The following ELP4 variants were observed in gnomAD, a reference collection of about 807,000 sequenced individuals.
ELP4 encodes the protein elongator complex protein 4.
ELP4 carries 51 observed loss-of-function variants against 48.9 expected under a neutral mutation model. That is an observed-to-expected ratio of 1.04 (90% confidence interval 0.83 to 1.32). ELP4 has a LOEUF of 1.32. ELP4 is among the 40% of genes most tolerant of loss of function. The probability of loss-of-function intolerance (pLI) is 0.00; values close to 1 mark genes in which losing one functional copy is unlikely to be tolerated. For missense variants in ELP4, 519 were observed against 514.6 expected, an observed-to-expected ratio of 1.01 and a Z score of -0.08; for synonymous variants, 210 against 189.2, an observed-to-expected ratio of 1.11 and a Z score of -0.90.
intron 7 of ELP4, among the ~76,000 whole-genome samples, chr11:31,641,229 G>A (rs1388806576): frequency 6.6e-6 from 1 of 151,826 alleles, no homozygotes; most frequent in South Asian, 2.1e-4. Flanking sequence ...GCTGTGACAT[G>A]CTGTTTCCTT....
chr11:31,607,492 C>T (rs917073146), intron 5 of ELP4, among the ~76,000 whole-genome samples: 1 of 152,158 alleles, frequency 6.6e-6, no homozygotes, highest in African/African-American at 2.4e-5. Context: ...GGCAAGCTAG[C>T]CAAAATGCTG....
At chr11:31,697,111 C>G (rs1233523732) in intron 9 of ELP4, among the ~76,000 whole-genome samples, 1 of 152,120 alleles carries the variant, frequency 6.6e-6, no homozygotes, top group African/African-American at 2.4e-5. Flanking sequence ...GAAGAGCTAA[C>G]TATCCTAAAT....
At chr11:31,617,187 A>G (rs1592162294) in intron 5 of ELP4, among the ~76,000 whole-genome samples, 2 of 152,284 alleles carry the variant, frequency 1.3e-5, no homozygotes, top group Non-Finnish European at 2.9e-5. Flanking sequence ...TGATGAACTG[A>G]TAAATAAAAT....
At chr11:31,546,063 G>A (rs2133917907) in intron 3 of ELP4, among the ~76,000 whole-genome samples, 1 of 152,070 alleles carries the variant, frequency 6.6e-6, no homozygotes, top group African/African-American at 2.4e-5. Context: ...AGACTAGGAA[G>A]AAACTGCATC....
chr11:31,626,646 T>A (rs1364315945), intron 5 of ELP4, among the ~76,000 whole-genome samples: 1 of 151,888 alleles, frequency 6.6e-6, no homozygotes, highest in African/African-American at 2.4e-5. Flanking sequence ...AAAATTATTA[T>A]TATTTTAGAA....
intron 3 of ELP4, among the ~76,000 whole-genome samples, chr11:31,591,329 C>G (rs186019073): frequency 2.9e-4 from 42 of 146,778 alleles, no homozygotes; most frequent in Admixed American, 1.3e-3. Context: ...TGGCATGAAC[C>G]CGAGAGGTGG....
At position 31,790,107 on chromosome 11, in the gene ELP4, A is replaced by AAC. The variant is rs1356926457; in HGVS notation, c.*6584_*6585insCA. ...AAATTTATAGGTTTACAAAAAAAAA[A>AAC]AAAAAAAAAAAAACTAATACTTTCT... On this transcript the variant is annotated 3_prime_UTR_variant, in exon 10 of 10. Coordinates refer to ENST00000640961, the MANE Select transcript of ELP4 (RefSeq NM_019040.5). The AAC allele has an allele frequency of 7.6e-6, 6 of 789,016 alleles. No individual in the cohort carries two copies. Among genetic ancestry groups the AAC allele is most frequent in the Admixed American group, 2.7e-5 (1 of 36,932 alleles). 48.9% of individuals were successfully genotyped at this position (789,016 alleles called of 1,614,324 possible).
intron 3 of ELP4, among the ~76,000 whole-genome samples, chr11:31,563,440 G>C (rs148555991): frequency 2.0e-5 from 3 of 152,048 alleles, no homozygotes; most frequent in African/African-American, 4.8e-5. Flanking sequence ...TAATATAGCA[G>C]TAAGAACAGA....
chr11:31,619,254 G>A (rs897888478), intron 5 of ELP4, among the ~76,000 whole-genome samples: 5 of 151,918 alleles, frequency 3.3e-5, no homozygotes, highest in Non-Finnish European at 5.9e-5. Flanking sequence ...TATGAGGCCC[G>A]TGCACAGGTG....
intron 9 of ELP4, among the ~76,000 whole-genome samples, chr11:31,662,117 G>A (rs1266177781): frequency 6.6e-6 from 1 of 152,120 alleles, no homozygotes; most frequent in Non-Finnish European, 1.5e-5. Context: ...ACAATTATAT[G>A]TAGGAGAAAA....
intron 3 of ELP4, among the ~76,000 whole-genome samples, chr11:31,566,014 G>C (rs1957105044): frequency 6.6e-6 from 1 of 152,086 alleles, no homozygotes; most frequent in Non-Finnish European, 1.5e-5. Flanking sequence ...AGCATGGAAT[G>C]TTCTTACATT....
intron 9 of ELP4, among the ~76,000 whole-genome samples, chr11:31,657,871 T>G (rs1452445428): frequency 6.6e-6 from 1 of 151,978 alleles, no homozygotes; most frequent in Non-Finnish European, 1.5e-5. Context: ...AAAAAATAAG[T>G]TTTATTACAT....
At chr11:31,583,110 A>C (rs1957416902) in intron 3 of ELP4, among the ~76,000 whole-genome samples, 1 of 152,130 alleles carries the variant, frequency 6.6e-6, no homozygotes, top group Non-Finnish European at 1.5e-5. Flanking sequence ...GGAAAAGTAA[A>C]GGATCTGTAG....
chr11:31,514,780 G>T (rs879343719), intron 1 of ELP4, among the ~76,000 whole-genome samples: 1 of 152,054 alleles, frequency 6.6e-6, no homozygotes, highest in Non-Finnish European at 1.5e-5. Context: ...AGGATACTCT[G>T]TTGTGATTGG....
chr11:31,524,811 CT>C (rs1277161507), intron 2 of ELP4, among the ~76,000 whole-genome samples: 1 of 152,090 alleles, frequency 6.6e-6, no homozygotes, highest in African/African-American at 2.4e-5. Context: ...TGGCAAAACC[CT>C]GTTTCTACAA....
In ELP4 at chr11:31,524,484, A is replaced by T. The variant is rs187190215; in HGVS notation, c.259+4393A>T. ...GTTATAGGTTTTCATAACAGAAATG[A>T]CATCCCATCATCTTTGCCATAATCT... is the stretch of plus-strand genomic sequence containing the variant. On this transcript the variant is annotated intron_variant, in intron 2 of 9. Coordinates refer to ENST00000640961, the MANE Select transcript of ELP4 (RefSeq NM_019040.5). 1.2e-3 allele frequency among the ~76,000 whole-genome samples: 183 copies of T among 152,344 alleles called. 1 individual carries two copies. Among genetic ancestry groups the T allele is most frequent in the Non-Finnish European group, 1.9e-3 (128 of 68,034 alleles).
At chr11:31,763,925 T>C (rs2134258493) in intron 9 of ELP4, among the ~76,000 whole-genome samples, 1 of 152,320 alleles carries the variant, frequency 6.6e-6, no homozygotes. Flanking sequence ...ATTGCATTAT[T>C]ATTTTCATAA....
At chr11:31,541,707 A>C (rs778450152) in intron 3 of ELP4, among the ~76,000 whole-genome samples, 16 of 152,212 alleles carry the variant, frequency 1.1e-4, no homozygotes, top group Non-Finnish European at 2.2e-4. Context: ...TTAATTTCAA[A>C]ACTAATCCCT....
chr11:31,709,284 A>G (rs1288029644), intron 9 of ELP4, among the ~76,000 whole-genome samples: 1 of 152,174 alleles, frequency 6.6e-6, no homozygotes, highest in Non-Finnish European at 1.5e-5. Context: ...TAGATTTGAA[A>G]TACTTTTAAA....
Sources: allele counts gnomAD v4.1 joint callset (sites outside exome capture counted in the v4.1 genomes callset), GRCh38; gene constraint gnomAD v4.1.1; transcripts MANE v1.5; gene names NCBI Gene and HGNC (gene_info 2026-07-23, HGNC 2026-07-21).